The following KMT2C variants were observed in gnomAD, a reference collection of about 807,000 sequenced individuals.
KMT2C encodes the protein lysine methyltransferase 2C.
A neutral mutation model predicts 507.9 loss-of-function variants in KMT2C; 88 were observed. The ratio of observed to expected loss-of-function variants is 0.17; its 90% CI spans 0.15 to 0.21. The LOEUF is 0.21. KMT2C is among the 10% of genes least tolerant of loss of function. KMT2C has a pLI of 1.00. For synonymous variants in KMT2C, 2,049 were observed against 2,080.8 expected, an observed-to-expected ratio of 0.98 and a Z score of 0.42; for missense variants, 4,954 against 5,957.8, an observed-to-expected ratio of 0.83 and a Z score of 5.55.
chr7:152,330,517 C>CA (rs1398618333), intron 3 of KMT2C, 84 bp downstream of exon 3: 16 of 1,342,478 alleles, frequency 1.2e-5, no homozygotes, highest in Non-Finnish European at 1.7e-5. Context: ...ATCCTAAACT[C>CA]ATACTCCTTG....
intron 1 of KMT2C, among the ~76,000 whole-genome samples, chr7:152,431,876 T>G (rs977079832): frequency 3.3e-5 from 5 of 152,214 alleles, no homozygotes; most frequent in Admixed American, 3.3e-4. Flanking sequence ...GTCTCTCAAC[T>G]ATAAACTTGT....
chr7:152,178,151 C>T (rs2093295183), intron 37 of KMT2C, 141 bp from the exon 38 acceptor site: 1 of 867,950 alleles, frequency 1.2e-6, no homozygotes, highest in East Asian at 3.2e-5. Context: ...AAAAGCAAAG[C>T]TATCACCATT....
intron 7 of KMT2C, among the ~76,000 whole-genome samples, chr7:152,271,426 C>A (rs2095966590): frequency 6.6e-6 from 1 of 152,082 alleles, no homozygotes; most frequent in Non-Finnish European, 1.5e-5. Context: ...TGTATCCCAG[C>A]ACTTTGGGAG....
intron 2 of KMT2C, among the ~76,000 whole-genome samples, chr7:152,344,511 C>T (rs771228159): frequency 4.6e-5 from 7 of 151,540 alleles, no homozygotes; most frequent in Non-Finnish European, 7.4e-5. Flanking sequence ...TGGAGGTAAC[C>T]AAAACTGTGA....
chr7:152,405,399 C>A (rs1179450542), intron 1 of KMT2C, among the ~76,000 whole-genome samples: 21 of 150,308 alleles, frequency 1.4e-4, no homozygotes, highest in Admixed American at 2.0e-4. Flanking sequence ...CATGCACCAC[C>A]ACACTTGGCT....
At chr7:152,237,924 A>C (rs2095311284) in intron 15 of KMT2C, among the ~76,000 whole-genome samples, 1 of 152,296 alleles carries the variant, frequency 6.6e-6, no homozygotes, top group Non-Finnish European at 1.5e-5. Context: ...CCAGAAAAAA[A>C]GTAAGTGAAA....
intron 23 of KMT2C, among the ~76,000 whole-genome samples, chr7:152,216,924 GCT>G (rs2094599287): frequency 6.6e-6 from 1 of 152,218 alleles, no homozygotes; most frequent in South Asian, 2.1e-4. Flanking sequence ...AAGAGCCAGT[GCT>G]GGGTGCCTGG....
intron 23 of KMT2C, among the ~76,000 whole-genome samples, chr7:152,217,969 G>C (rs2094629163): frequency 6.6e-6 from 1 of 152,094 alleles, no homozygotes; most frequent in Admixed American, 6.6e-5. Flanking sequence ...TCTTGTTAAA[G>C]CTGATCTGAT....
rs2129089143 is a variant in KMT2C, at chr7:152,138,777, C to G, written c.14643+19G>C. ...CAGGATCTGAACAACATGGCAGATG[C>G]AATCTCTCACACTCTTACCTCTTCT... On this transcript the variant is annotated intron_variant, in intron 58 of 58. Coordinates refer to ENST00000262189, the MANE Select transcript of KMT2C (RefSeq NM_170606.3). The surrounding 1 kb of genome is among the most constrained non-coding windows in gnomAD (Gnocchi z 4.2). 1.4e-6 allele frequency: 2 copies of G among 1,447,862 alleles called. No individual in the cohort carries two copies. The highest frequency in any genetic ancestry group is 9.6e-7 in the Non-Finnish European group (1 of 1,046,738). The allele number at this position is 1,447,862 out of a possible 1,614,324, so 89.7% of individuals were successfully genotyped here. A position where few individuals can be genotyped will look rare whatever the true frequency, so the allele number is the denominator to read the frequency against.
At chr7:152,189,706 G>T (rs988255830) in intron 31 of KMT2C, among the ~76,000 whole-genome samples, 1 of 152,160 alleles carries the variant, frequency 6.6e-6, no homozygotes, top group Non-Finnish European at 1.5e-5. Flanking sequence ...TCACAAACGG[G>T]CTTACCCTAC....
chr7:152,418,918 G>A (rs968000729), intron 1 of KMT2C, among the ~76,000 whole-genome samples: 1 of 152,098 alleles, frequency 6.6e-6, no homozygotes, highest in African/African-American at 2.4e-5. Context: ...GTCAGGCTGG[G>A]TGTGGTAGCT....
intron 1 of KMT2C, among the ~76,000 whole-genome samples, chr7:152,371,879 G>C (rs1361582965): frequency 6.6e-6 from 1 of 152,048 alleles, no homozygotes; most frequent in Non-Finnish European, 1.5e-5. Flanking sequence ...CTCCCTAAGT[G>C]CTGGTATTAC....
intron 43 of KMT2C, among the ~76,000 whole-genome samples, chr7:152,160,802 A>C (rs1303007601): frequency 6.6e-6 from 1 of 151,936 alleles, no homozygotes; most frequent in East Asian, 1.9e-4. Flanking sequence ...ATTTTAATAT[A>C]AACATGCTCA....
chr7:152,420,475 A>G (rs1348840594), intron 1 of KMT2C, among the ~76,000 whole-genome samples: 3 of 152,202 alleles, frequency 2.0e-5, no homozygotes, highest in Non-Finnish European at 4.4e-5. Context: ...CTGCACAGCA[A>G]AAGAGATTAT....
intron 1 of KMT2C, among the ~76,000 whole-genome samples, chr7:152,379,880 G>C (rs961820638): frequency 8.5e-5 from 13 of 152,288 alleles, no homozygotes; most frequent in Non-Finnish European, 1.9e-4. Context: ...AGGATCACTT[G>C]AGCCCATGGG....
chr7:152,187,868 C>G (rs1415398279), intron 31 of KMT2C, 21 bp from the exon 32 acceptor site: 1 of 1,612,454 alleles, frequency 6.2e-7, no homozygotes, highest in East Asian at 2.2e-5. Context: ...AAAAATAATT[C>G]CGTTGGCATG....
intron 6 of KMT2C, among the ~76,000 whole-genome samples, chr7:152,309,452 T>C (rs1399102653): frequency 3.3e-5 from 5 of 150,528 alleles, no homozygotes; most frequent in Admixed American, 6.6e-5. Flanking sequence ...GCACCCCAAG[T>C]TGCTGGGTCT....
chr7:152,338,029 T>C (rs896734337), intron 2 of KMT2C, among the ~76,000 whole-genome samples: 7 of 151,992 alleles, frequency 4.6e-5, no homozygotes, highest in African/African-American at 1.7e-4. Context: ...GCTAATTTTT[T>C]GTATTTTTTT....
At chr7:152,156,456 T>G in intron 44 of KMT2C, 110 bp from the exon 45 acceptor site, 3 of 1,363,970 alleles carry the variant, frequency 2.2e-6, no homozygotes, top group Non-Finnish European at 3.0e-6. Context: ...GCTACAGAAA[T>G]GTAATCAAGA....
Sources: gnomAD v4.1 joint callset for allele counts (sites outside exome capture counted in the v4.1 genomes callset) on GRCh38, gnomAD v4.1.1 for gene constraint, Gnocchi (gnomAD v3.1) non-coding constraint, MANE v1.5 for transcripts, NCBI Gene and HGNC (gene_info 2026-07-23, HGNC 2026-07-21) for gene names.